Variants in HS3ST2 observed in about 807,000 individuals in gnomAD.
The protein encoded by HS3ST2 is heparan sulfate glucosamine 3-O-sulfotransferase 2.
In HS3ST2, 17 loss-of-function variants were observed where a neutral mutation model predicts 26.3. The ratio of observed to expected loss-of-function variants is 0.65; its 90% CI spans 0.44 to 0.97. HS3ST2 has a LOEUF of 0.97. Among genes scored for constraint, HS3ST2 ranks in the 50% least tolerant of loss-of-function variants. HS3ST2 has a pLI of 0.00. For missense variants in HS3ST2, 402 were observed against 501.2 expected (o/e 0.80, Z 1.89); for synonymous variants, 237 against 219.2 (o/e 1.08, Z -0.72).
At chr16:22,866,328 C>T (rs975741552) in intron 1 of HS3ST2, among the ~76,000 whole-genome samples, 68 of 125,952 alleles carry the variant, frequency 5.4e-4, no homozygotes, top group African/African-American at 1.5e-3. Context: ...CGCGCGCGCG[C>T]ACACACACAC....
chr16:22,824,265 T>C (rs1186474779), intron 1 of HS3ST2, among the ~76,000 whole-genome samples: 1 of 152,168 alleles, frequency 6.6e-6, no homozygotes, highest in Non-Finnish European at 1.5e-5. Flanking sequence ...AAACATGACA[T>C]GGGCTGGGCG....
intron 1 of HS3ST2, among the ~76,000 whole-genome samples, chr16:22,899,999 T>C (rs1314309103): frequency 6.6e-6 from 1 of 152,232 alleles, no homozygotes; most frequent in Non-Finnish European, 1.5e-5. Context: ...CCAGCAGTGC[T>C]CTGCCCTGCT....
At chr16:22,855,910 A>G (rs552057461) in intron 1 of HS3ST2, among the ~76,000 whole-genome samples, 136 of 152,146 alleles carry the variant, frequency 8.9e-4, no homozygotes, top group African/African-American at 2.9e-3. Context: ...TCTTTGGACC[A>G]CTCATCACAA....
In HS3ST2 at chr16:22,912,227, G is replaced by A. The variant is rs544811861; in HGVS notation, c.486-2717G>A. The stretch of plus-strand genomic sequence containing the variant: ...TACATAGTTTTAGAGTGAAATTTCT[G>A]AGTTAACCATTTCAGAGTTAGGGAA... On this transcript the variant is annotated intron_variant, in intron 1 of 1. Coordinates refer to ENST00000261374, the MANE Select transcript of HS3ST2 (RefSeq NM_006043.2). Among the ~76,000 whole-genome samples, 46 of 152,304 alleles carry A rather than the reference G, an allele frequency of 3.0e-4. No individual in the cohort carries two copies. In the South Asian group the frequency reaches 9.5e-3, roughly 32 times the overall value.
At chr16:22,900,015 TAG>T (rs1008148111) in intron 1 of HS3ST2, among the ~76,000 whole-genome samples, 4 of 152,226 alleles carry the variant, frequency 2.6e-5, no homozygotes, top group African/African-American at 7.2e-5. Flanking sequence ...CTGCTGAGTA[TAG>T]AGAGAGGGCA....
chr16:22,825,304 G>A (rs1260955508), intron 1 of HS3ST2, among the ~76,000 whole-genome samples: 2 of 152,216 alleles, frequency 1.3e-5, no homozygotes, highest in Non-Finnish European at 2.9e-5. Flanking sequence ...TGTGGCGCAT[G>A]AGAGGTATTA....
At chr16:22,867,379 G>T (rs2141191781) in intron 1 of HS3ST2, among the ~76,000 whole-genome samples, 1 of 152,154 alleles carries the variant, frequency 6.6e-6, no homozygotes, top group South Asian at 2.1e-4. Flanking sequence ...TAAGAAATTG[G>T]ACTACATAAA....
chr16:22,815,238 A>G, intron 1 of HS3ST2, 143 bp downstream of exon 1: 1 of 1,125,410 alleles, frequency 8.9e-7, no homozygotes, highest in South Asian at 1.6e-5. Context: ...GGGGGGCTAT[A>G]GCAGAATTTA....
chr16:22,884,659 A>AATAT (rs1309009636), intron 1 of HS3ST2, among the ~76,000 whole-genome samples: 15 of 139,052 alleles, frequency 1.1e-4, no homozygotes, highest in South Asian at 2.2e-4. Flanking sequence ...TAGAGAAAAA[A>AATAT]ATATATATAT....
intron 1 of HS3ST2, among the ~76,000 whole-genome samples, chr16:22,820,110 C>A (rs1900966907): frequency 6.6e-6 from 1 of 152,210 alleles, no homozygotes; most frequent in Admixed American, 6.5e-5. Flanking sequence ...CAGAAATTCC[C>A]TGTCTTGGTC....
At chr16:22,903,590 G>C (rs1280160146) in intron 1 of HS3ST2, among the ~76,000 whole-genome samples, 1 of 152,142 alleles carries the variant, frequency 6.6e-6, no homozygotes, top group Non-Finnish European at 1.5e-5. Flanking sequence ...CCTGTGCCTG[G>C]CATGCAGTAG....
At chr16:22,906,105 G>C (rs574929250) in intron 1 of HS3ST2, among the ~76,000 whole-genome samples, 1 of 152,128 alleles carries the variant, frequency 6.6e-6, no homozygotes. Context: ...GGGCACGGTG[G>C]CTCATGCCTG....
chr16:22,857,139 TA>T (rs971402741), intron 1 of HS3ST2, among the ~76,000 whole-genome samples: 11 of 152,016 alleles, frequency 7.2e-5, no homozygotes, highest in African/African-American at 1.2e-4. Flanking sequence ...GACACCTCGT[TA>T]AAAAAAATCA....
At chr16:22,820,170 C>G (rs1331800060) in intron 1 of HS3ST2, among the ~76,000 whole-genome samples, 1 of 146,378 alleles carries the variant, frequency 6.8e-6, no homozygotes, top group Non-Finnish European at 1.5e-5. Context: ...AGTCCATAAA[C>G]CCCCCCCCAT....
intron 1 of HS3ST2, among the ~76,000 whole-genome samples, chr16:22,854,028 AT>A (rs1168667653): frequency 1.3e-5 from 2 of 152,166 alleles, no homozygotes; most frequent in African/African-American, 4.8e-5. Context: ...TGTATTTTTA[AT>A]CAGCTGATGA....
intron 1 of HS3ST2, among the ~76,000 whole-genome samples, chr16:22,866,573 C>G (rs761461151): frequency 6.6e-6 from 1 of 152,068 alleles, no homozygotes; most frequent in Non-Finnish European, 1.5e-5. Flanking sequence ...AGTTTGAGAC[C>G]AGCCTGGGCA....
Position 22,903,430 on chromosome 16 carries a change from G to A in HS3ST2, c.486-11514G>A, listed in dbSNP as rs375199781. Among the ~76,000 whole-genome samples the A allele has an allele frequency of 2.7e-4, 41 of 152,212 alleles. 1 individual carries two copies. Among genetic ancestry groups the A allele is most frequent in the African/African-American group, 7.5e-4 (31 of 41,534 alleles). ...CACGTGTATGGCTGATGACTGCTGC[G>A]TACCCATTTTTTATGGTTAGCAAGT... is the stretch of plus-strand genomic sequence containing the variant. On this transcript the variant is annotated intron_variant, in intron 1 of 1. Coordinates refer to ENST00000261374, the MANE Select transcript of HS3ST2 (RefSeq NM_006043.2).
chr16:22,860,189 GT>G (rs1161968606), intron 1 of HS3ST2, among the ~76,000 whole-genome samples: 10 of 152,140 alleles, frequency 6.6e-5, no homozygotes, highest in African/African-American at 2.4e-4. Context: ...TGGACTCACA[GT>G]TCCACATGGC....
chr16:22,885,204 A>C (rs1490651678), intron 1 of HS3ST2, among the ~76,000 whole-genome samples: 2 of 152,018 alleles, frequency 1.3e-5, no homozygotes, highest in African/African-American at 4.8e-5. Context: ...TCCCTCTTTA[A>C]GGATCTGTGA....
Sources: gnomAD v4.1 joint callset for allele counts (sites outside exome capture counted in the v4.1 genomes callset) on GRCh38, gnomAD v4.1.1 for gene constraint, MANE v1.5 for transcripts, NCBI Gene and HGNC (gene_info 2026-07-23, HGNC 2026-07-21) for gene names.